The following GALR1 variants were observed in gnomAD, a reference collection of about 807,000 sequenced individuals.
GALR1 encodes the protein galanin receptor type 1.
GALR1 carries 11 observed loss-of-function variants against 17.9 expected under a neutral mutation model. The observed-to-expected ratio is 0.62, with a 90% CI of 0.39 to 1.02. The LOEUF is 1.02. Ranked by LOEUF, GALR1 falls within the 50% of genes least tolerant of loss-of-function variation. GALR1 has a pLI of 0.01. For missense variants in GALR1, 441 were observed against 456.9 expected (o/e 0.97, Z 0.32); for synonymous variants, 206 against 205.7 (o/e 1.00, Z -0.01).
rs1913181095 is a variant in GALR1, at chr18:77,277,505, C to T, written c.*8603C>T. The T allele has an allele frequency of 6.6e-6, 1 of 152,210 alleles. No homozygotes were observed. 9.4% of individuals were successfully genotyped at this position (152,210 alleles called of 1,614,324 possible). On this transcript the variant is annotated 3_prime_UTR_variant, in exon 3 of 3. Coordinates refer to ENST00000299727, the MANE Select transcript of GALR1 (RefSeq NM_001480.4). ...CTGCCATGATTGTGAGGCTTCCCCA[C>T]CACTTGGAAATGTAAGTCAATTAAA...
intron 1 of GALR1, among the ~76,000 whole-genome samples, chr18:77,252,281 G>A (rs920780375): frequency 6.6e-6 from 1 of 151,750 alleles, no homozygotes; most frequent in African/African-American, 2.4e-5. Context: ...AAACCCTAAT[G>A]TGCGCAACCT....
Position 77,268,796 on chromosome 18 carries a change from A to C in GALR1, c.944A>C (p.Lys315Thr). Residue 315 changes from lysine to threonine, a missense_variant, in exon 3 of 3, where the codon AAA (lysine) becomes ACA (threonine). Lys to Thr is a moderately conservative substitution (Grantham distance 78). Coordinates refer to ENST00000299727, the MANE Select transcript of GALR1 (RefSeq NM_001480.4). ...TCTGAAAATTTCAGGAAGGCCTATA[A>C]ACAAGTGTTCAAGTGTCACATTCGC... ...FLSENFRKAY[K>T]QVFKCHIRKD... The C allele has an allele frequency of 6.2e-7, 1 of 1,614,040 alleles. No homozygotes were observed.
chr18:77,250,405 C>T lies in GALR1; in HGVS notation c.-144C>T. The T allele has an allele frequency of 2.3e-6, 2 of 877,404 alleles. No individual in the cohort carries two copies. Among genetic ancestry groups the T allele is most frequent in the Non-Finnish European group, 3.2e-6 (2 of 626,662 alleles). 54.4% of individuals were successfully genotyped at this position (877,404 alleles called of 1,614,324 possible). On this transcript the variant is annotated 5_prime_UTR_variant, in exon 1 of 3. Coordinates refer to ENST00000299727, the MANE Select transcript of GALR1 (RefSeq NM_001480.4). ...CACGGCCACCGGATCCCCGCTCCCG[C>T]TGGCTCGCGCCTCGGGGGAAGCTCA...
intron 2 of GALR1, among the ~76,000 whole-genome samples, chr18:77,260,266 A>G (rs1331823633): frequency 3.3e-5 from 5 of 152,194 alleles, no homozygotes; most frequent in Non-Finnish European, 7.4e-5. Flanking sequence ...GTATCCTCAC[A>G]GAGTGGAAGG....
rs1006323597 is a variant in GALR1, at chr18:77,272,021, C to A, written c.*3119C>A. 1.3e-5 allele frequency: 2 copies of A among 152,182 alleles called. No individual in the cohort carries two copies. Among genetic ancestry groups the A allele is most frequent in the Non-Finnish European group, 2.9e-5 (2 of 68,022 alleles). The allele number at this position is 152,182 out of a possible 1,614,324, so 9.4% of individuals were successfully genotyped here. A position where few individuals can be genotyped will look rare whatever the true frequency, so the allele number is the denominator to read the frequency against. On this transcript the variant is annotated 3_prime_UTR_variant, in exon 3 of 3. Transcript: ENST00000299727. ...GAATACTTTAGGTAAATTACTTTTG[C>A]TTTTAACTAAATTGTTTTATTTTAC...
Position 77,272,984 on chromosome 18 carries a change from G to A in GALR1, c.*4082G>A, listed in dbSNP as rs973818565. On this transcript the variant is annotated 3_prime_UTR_variant, in exon 3 of 3. Coordinates refer to ENST00000299727, the MANE Select transcript of GALR1 (RefSeq NM_001480.4). ...TTAGGCAGAGGTGTCTAAGGAGAGT[G>A]TATCGTGTATTGTGATGCATTAGCA... 5.3e-5 allele frequency: 8 copies of A among 152,236 alleles called. No homozygotes were observed. Among genetic ancestry groups the A allele is most frequent in the Non-Finnish European group, 4.4e-5 (3 of 68,040 alleles). 9.4% of individuals were successfully genotyped at this position (152,236 alleles called of 1,614,324 possible). A position where few individuals can be genotyped will look rare whatever the true frequency, so the allele number is the denominator to read the frequency against.
In GALR1 at chr18:77,276,215, C is replaced by T. The variant is rs768828447; in HGVS notation, c.*7313C>T. 9 of 152,136 alleles carry T rather than the reference C, an allele frequency of 5.9e-5. No individual in the cohort carries two copies. Among genetic ancestry groups the T allele is most frequent in the Non-Finnish European group, 1.0e-4 (7 of 68,016 alleles). The allele number at this position is 152,136 out of a possible 1,614,324, so 9.4% of individuals were successfully genotyped here. A position where few individuals can be genotyped will look rare whatever the true frequency, so the allele number is the denominator to read the frequency against. ...AATTGAACAAATCTTTTAATCTCTT[C>T]AGTTCTATCTGCCTAAGTGAGGAGA... On this transcript the variant is annotated 3_prime_UTR_variant, in exon 3 of 3. Coordinates refer to ENST00000299727, the MANE Select transcript of GALR1 (RefSeq NM_001480.4).
rs1454454665 is a variant in GALR1 at position 77,274,772 on chromosome 18, C to G, written c.*5870C>G. The G allele has an allele frequency of 6.6e-6, 1 of 152,130 alleles. No individual in the cohort carries two copies. The highest frequency in any genetic ancestry group is 1.5e-5 in the Non-Finnish European group (1 of 68,036). 9.4% of individuals were successfully genotyped at this position (152,130 alleles called of 1,614,324 possible). ...GAGAATCATTAGAGAACAACTAATC[C>G]AAAAAATCTATCATCCTTTATTTGT... is the stretch of plus-strand genomic sequence containing the variant. On this transcript the variant is annotated 3_prime_UTR_variant, in exon 3 of 3. Transcript: ENST00000299727.
chr18:77,255,537 G>T (rs922594242), intron 1 of GALR1, among the ~76,000 whole-genome samples: 3 of 152,212 alleles, frequency 2.0e-5, no homozygotes, highest in African/African-American at 7.2e-5. Flanking sequence ...AGCCTGATGG[G>T]AGGTGATTTG....
intron 1 of GALR1, among the ~76,000 whole-genome samples, chr18:77,253,025 TCAC>T (rs1912504507): frequency 3.5e-4 from 14 of 40,528 alleles, no homozygotes; most frequent in African/African-American, 1.1e-3. Context: ...ACCACCACCA[TCAC>T]CACCATCACC....
chr18:77,267,119 G>A (rs570144862), intron 2 of GALR1, among the ~76,000 whole-genome samples: 19 of 152,354 alleles, frequency 1.2e-4, no homozygotes, highest in Middle Eastern at 3.4e-3. Context: ...TGAACAGAAA[G>A]CTGAAGCCAT....
chr18:77,256,067 C>A (rs1356524535), intron 1 of GALR1, 91 bp from the exon 2 acceptor site: 8 of 722,522 alleles, frequency 1.1e-5, no homozygotes, highest in Non-Finnish European at 2.0e-5. Flanking sequence ...AGTGATGTTA[C>A]CATTTCAGCA....
At position 77,250,655 on chromosome 18, in the gene GALR1, C is replaced by A. The variant is rs770459715; in HGVS notation, c.107C>A (p.Thr36Lys). Residue 36 changes from threonine (T) to lysine (K), a missense_variant, in exon 1 of 3, where the codon ACG becomes AAG. By Grantham distance (78) the Thr-to-Lys change is moderately conservative. Coordinates refer to ENST00000299727, the MANE Select transcript of GALR1 (RefSeq NM_001480.4). ...GGCATCGGCGTGGAGAACTTCGTCACGCTGGTGGTGTTCGGCCTGATCTTC... is the reference window on the plus strand; with the variant it reads ...GGCATCGGCGTGGAGAACTTCGTCAAGCTGGTGGTGTTCGGCCTGATCTTC... ...LFGIGVENFVTLVVFGLIFAL... is the reference protein window; with the variant it reads ...LFGIGVENFVKLVVFGLIFAL... The A allele has an allele frequency of 9.3e-6, 15 of 1,608,432 alleles. No individual in the cohort carries two copies. In the Admixed American group the frequency reaches 2.4e-4, roughly 25 times the overall value.
chr18:77,266,684 A>G (rs1473125128), intron 2 of GALR1, among the ~76,000 whole-genome samples: 1 of 152,236 alleles, frequency 6.6e-6, no homozygotes, highest in Non-Finnish European at 1.5e-5. Flanking sequence ...GGAAGCAAAC[A>G]TGTCCTTCTT....
intron 2 of GALR1, among the ~76,000 whole-genome samples, chr18:77,262,254 T>C (rs564336515): frequency 7.0e-4 from 107 of 151,774 alleles, no homozygotes; most frequent in Non-Finnish European, 1.9e-4. Context: ...TGGTTGAGGA[T>C]GGGCATACTA....
At position 77,251,252 on chromosome 18, in the gene GALR1, G is replaced by A. The variant is rs371714021; in HGVS notation, c.666+38G>A. 2.1e-4 allele frequency: 335 copies of A among 1,561,944 alleles called. 1 individual carries two copies. The African/African-American group carries it at 4.2e-3, about 19-fold the overall frequency. Reference sequence around the variant, plus strand: ...CGCGGGGCCGAGACGCGCGAGGGAGGGCGGAGGGCCGGTGGGGGCCCTGGG... The same window carrying A: ...CGCGGGGCCGAGACGCGCGAGGGAGAGCGGAGGGCCGGTGGGGGCCCTGGG... On this transcript the variant is annotated intron_variant, in intron 1 of 2. Transcript: ENST00000299727.
chr18:77,252,141 T>A (rs989156469), intron 1 of GALR1, among the ~76,000 whole-genome samples: 4 of 152,012 alleles, frequency 2.6e-5, no homozygotes, highest in Admixed American at 2.0e-4. Flanking sequence ...TCACATTCTT[T>A]TTCTCATTAA....
At position 77,256,155 on chromosome 18, in the gene GALR1, C is replaced by T; in HGVS notation, c.667-3C>T. 1 of 1,585,996 alleles carries T rather than the reference C, an allele frequency of 6.3e-7. No homozygotes were observed. The highest frequency in any genetic ancestry group is 8.7e-7 in the Non-Finnish European group (1 of 1,154,942). ...ACTGATTTCAATAGTCTGTGTCTTTCAGGTCCTTAATCACTTGCATAAAAA... is the reference window on the plus strand; with the variant it reads ...ACTGATTTCAATAGTCTGTGTCTTTTAGGTCCTTAATCACTTGCATAAAAA... On this transcript the variant is annotated splice_polypyrimidine_tract_variant and splice_region_variant and intron_variant, in intron 1 of 2. Coordinates refer to ENST00000299727, the MANE Select transcript of GALR1 (RefSeq NM_001480.4).
chr18:77,264,485 TG>T (rs1181225969), intron 2 of GALR1, among the ~76,000 whole-genome samples: 1 of 152,178 alleles, frequency 6.6e-6, no homozygotes, highest in Non-Finnish European at 1.5e-5. Flanking sequence ...AACAGACTGG[TG>T]GCCACAGGTA....
Sources: gnomAD v4.1 joint callset for allele counts (sites outside exome capture counted in the v4.1 genomes callset) on GRCh38, gnomAD v4.1.1 for gene constraint, MANE v1.5 for transcripts, NCBI Gene and HGNC (gene_info 2026-07-23, HGNC 2026-07-21) for gene names.